Variants in MGRN1 observed in about 807,000 individuals in gnomAD.
MGRN1 encodes E3 ubiquitin-protein ligase MGRN1.
In MGRN1, 29 loss-of-function variants were observed where a neutral mutation model predicts 69.2. The ratio of observed to expected loss-of-function variants is 0.42; its 90% CI spans 0.31 to 0.57. The LOEUF is 0.57. Ranked by LOEUF, MGRN1 falls within the 20% of genes least tolerant of loss-of-function variation. MGRN1 has a pLI of 0.15. For missense variants in MGRN1, 998 were observed against 796.2 expected, an observed-to-expected ratio of 1.25 and a Z score of -3.05; for synonymous variants, 470 against 344.2, an observed-to-expected ratio of 1.37 and a Z score of -4.04.
intron 9 of MGRN1, chr16:4,672,297 T>G (rs1255513780): frequency 2.2e-6 from 1 of 455,324 alleles, no homozygotes; most frequent in African/African-American, 2.0e-5. Flanking sequence ...TCTGCCTGCC[T>G]CAGCCTCCCA....
rs771196992 is a variant in MGRN1 at position 4,680,026 on chromosome 16, T to C, written c.1066-6T>C. 29 of 1,613,650 alleles carry C rather than the reference T, an allele frequency of 1.8e-5. No homozygotes were observed. The highest frequency in any genetic ancestry group is 2.3e-5 in the Non-Finnish European group (27 of 1,179,794). On this transcript the variant is annotated splice_region_variant and splice_polypyrimidine_tract_variant and intron_variant, in intron 11 of 16. Coordinates refer to ENST00000262370, the MANE Select transcript of MGRN1 (RefSeq NM_015246.4). Reference sequence around the variant, plus strand: ...GTTGTAAAACATATGATTTTTATCTTGACAGTGTCCCTTTAAAAAATCAAA... The same window carrying C: ...GTTGTAAAACATATGATTTTTATCTCGACAGTGTCCCTTTAAAAAATCAAA...
intron 10 of MGRN1, among the ~76,000 whole-genome samples, chr16:4,676,186 C>T (rs974442365): frequency 7.2e-5 from 11 of 152,306 alleles, no homozygotes; most frequent in African/African-American, 1.9e-4. Context: ...AGGGAGAGGC[C>T]GGCCGCCCAG....
chr16:4,650,352 CT>C lies in MGRN1; in HGVS notation c.89-7del. The C allele has an allele frequency of 6.4e-7, 1 of 1,555,094 alleles. No individual in the cohort carries two copies. Among genetic ancestry groups the C allele is most frequent in the Middle Eastern group, 1.8e-4 (1 of 5,638 alleles). ...AAAAAAAAATCTATAATCGTGTTTC[CT>C]TTTTTAAACAGGAAACTACTTTGCT... On this transcript the variant is annotated splice_polypyrimidine_tract_variant and intron_variant, in intron 1 of 16. Transcript: ENST00000262370.
chr16:4,644,427 C>T (rs2078232512), intron 1 of MGRN1, among the ~76,000 whole-genome samples: 1 of 151,532 alleles, frequency 6.6e-6, no homozygotes, highest in African/African-American at 2.4e-5. Flanking sequence ...TTTCCTGCCT[C>T]AGCCTCCCAA....
At chr16:4,647,568 C>G (rs948586896) in intron 1 of MGRN1, among the ~76,000 whole-genome samples, 3 of 152,250 alleles carry the variant, frequency 2.0e-5, no homozygotes, top group African/African-American at 7.2e-5. Flanking sequence ...CCAGAACATT[C>G]TCTGTGTATT....
chr16:4,685,089 C>G (rs936482952), intron 16 of MGRN1, among the ~76,000 whole-genome samples: 3 of 152,246 alleles, frequency 2.0e-5, no homozygotes, highest in African/African-American at 7.2e-5. Flanking sequence ...CCACAGCGGC[C>G]TGCCCCGAAC....
In MGRN1 at chr16:4,681,748, G is replaced by T. The variant is rs754311885; in HGVS notation, c.1330G>T (p.Gly444Cys). The T allele has an allele frequency of 2.7e-5, 43 of 1,612,466 alleles. No individual in the cohort carries two copies. The Middle Eastern group carries it at 6.6e-4, about 25-fold the overall frequency. Residue 444 changes from glycine to cysteine, a missense_variant, in exon 13 of 17, where the codon GGC becomes TGC. Physicochemically the swap from Gly to Cys is radical, Grantham distance 159. Transcript: ENST00000262370. ...DHILDSSRQK[G>C]RPQSKAPDST... ...CATCCTGGACAGCAGCCGCCAGAAG[G>T]GCAGGCCGCAGAGCAAGGCCCCCGA...
At chr16:4,658,123 C>T (rs1380870172) in intron 5 of MGRN1, among the ~76,000 whole-genome samples, 1 of 152,104 alleles carries the variant, frequency 6.6e-6, no homozygotes, top group Non-Finnish European at 1.5e-5. Flanking sequence ...TCCTAGGCCC[C>T]TCTCCAGCTT....
Position 4,677,460 on chromosome 16 carries a change from C to A in MGRN1, c.956-3C>A. 6.5e-7 allele frequency: 1 copy of A among 1,548,024 alleles called. No individual in the cohort carries two copies. On this transcript the variant is annotated splice_region_variant and splice_polypyrimidine_tract_variant and intron_variant, in intron 10 of 16. Coordinates refer to ENST00000262370, the MANE Select transcript of MGRN1 (RefSeq NM_015246.4). ...CCTGATCTGAGCCCTCCTTCTGCCG[C>A]AGCTTTCCGGGCCCTCCTGCAGATC...
chr16:4,674,862 G>A (rs1175541085), intron 10 of MGRN1, among the ~76,000 whole-genome samples: 2 of 149,404 alleles, frequency 1.3e-5, no homozygotes, highest in South Asian at 4.3e-4. Flanking sequence ...GGATGGTCTC[G>A]ATCTCCTGAC....
rs1396928049 is a variant in MGRN1 at position 4,681,710 on chromosome 16, CGGCTATCGACCACATCCT to C, written c.1295_1312del (p.Ala432_Leu437del). ...CTGTCCCAGGCCAGCTGTCCCCTCG[CGGCTATCGACCACATCCT>C]GGACAGCAGCCGCCAGAAGGGCAGG... is the stretch of plus-strand genomic sequence containing the variant. On this transcript the variant is annotated inframe_deletion, in exon 13 of 17. Coordinates refer to ENST00000262370, the MANE Select transcript of MGRN1 (RefSeq NM_015246.4). 3 of 1,613,294 alleles carry C rather than the reference CGGCTATCGACCACATCCT, an allele frequency of 1.9e-6. No individual in the cohort carries two copies. The highest frequency in any genetic ancestry group is 2.5e-6 in the Non-Finnish European group (3 of 1,179,958).
At chr16:4,629,192 GAA>G (rs1897865274) in intron 1 of MGRN1, among the ~76,000 whole-genome samples, 2 of 146,974 alleles carry the variant, frequency 1.4e-5, no homozygotes, top group African/African-American at 2.5e-5. Flanking sequence ...GTGTGTGTGT[GAA>G]AAGTGTCTAT....
intron 1 of MGRN1, chr16:4,650,031 C>T (rs555981221): frequency 1.3e-4 from 25 of 193,314 alleles, no homozygotes; most frequent in Admixed American, 8.9e-4. Flanking sequence ...GGCTGGGCGC[C>T]GTGGCTCATA....
intron 16 of MGRN1, chr16:4,687,933 T>C: frequency 2.0e-6 from 2 of 985,560 alleles, no homozygotes; most frequent in Non-Finnish European, 2.4e-6. Flanking sequence ...ATTGAAACAG[T>C]CAGCACCTTT....
In MGRN1 at chr16:4,677,540, C is replaced by G; in HGVS notation, c.1033C>G (p.Leu345Val). The change falls in exon 11 of 17, where the codon CTG becomes GTG. Residue 345 changes from leucine (L) to valine (V), a missense_variant. Transcript: ENST00000262370. ...ALSPVSFSPV[L>V]AQSLEHDEHS... ...GTCCCCCGTGTCCTTCAGCCCCGTC[C>G]TGGCCCAGAGCCTGGAGCATGATGA... is the stretch of plus-strand genomic sequence containing the variant. The G allele has an allele frequency of 1.9e-6, 3 of 1,600,026 alleles. No homozygotes were observed. The highest frequency in any genetic ancestry group is 1.7e-5 in the Admixed American group (1 of 59,974).
intron 11 of MGRN1, among the ~76,000 whole-genome samples, chr16:4,678,515 AGAC>A (rs1177795108): frequency 1.3e-5 from 2 of 151,692 alleles, no homozygotes; most frequent in South Asian, 4.2e-4. Flanking sequence ...AGATAGGAAG[AGAC>A]AGACAGATGT....
intron 1 of MGRN1, among the ~76,000 whole-genome samples, chr16:4,638,498 T>C (rs780943491): frequency 5.9e-5 from 9 of 151,476 alleles, no homozygotes; most frequent in Non-Finnish European, 4.4e-5. Flanking sequence ...TCAGCCCATG[T>C]TGACTTCCCC....
chr16:4,683,064 C>A (rs1243667701), intron 14 of MGRN1, 118 bp downstream of exon 14: 1 of 1,475,466 alleles, frequency 6.8e-7, no homozygotes, highest in East Asian at 2.3e-5. Flanking sequence ...CTTGTTGGCT[C>A]TTGCTGAGCT....
chr16:4,645,851 TG>T (rs1416248617), intron 1 of MGRN1, among the ~76,000 whole-genome samples: 1 of 152,066 alleles, frequency 6.6e-6, no homozygotes, highest in East Asian at 1.9e-4. Context: ...ACAACAGACC[TG>T]GGGACCCAGG....
Sources: allele counts gnomAD v4.1 joint callset (sites outside exome capture counted in the v4.1 genomes callset), GRCh38; gene constraint gnomAD v4.1.1; transcripts MANE v1.5; gene names NCBI Gene and HGNC (gene_info 2026-07-23, HGNC 2026-07-21).